F2: variants seen among roughly 807,000 people sequenced by gnomAD.
F2 encodes coagulation factor II, thrombin.
F2 carries 34 observed loss-of-function variants against 81.9 expected under a neutral mutation model. That is an observed-to-expected ratio of 0.42 (90% CI 0.32 to 0.55). The LOEUF (loss-of-function observed/expected upper bound fraction) is 0.55. F2 is among the 20% of genes least tolerant of loss of function. The probability of loss-of-function intolerance (pLI) is 0.18; values close to 1 mark genes in which losing one functional copy is unlikely to be tolerated. For missense variants in F2, 630 were observed against 833.4 expected (o/e 0.76, Z 3.00); for synonymous variants, 296 against 326.4 (o/e 0.91, Z 1.01).
intron 12 of F2, among the ~76,000 whole-genome samples, chr11:46,729,819 G>C (rs1287163793): frequency 6.6e-6 from 1 of 152,134 alleles, no homozygotes; most frequent in East Asian, 1.9e-4. Context: ...TGCGGGTAGG[G>C]AAATGCCATT....
In F2 at chr11:46,726,689, C is replaced by T. The variant is rs953121752; in HGVS notation, c.1004-22C>T. 3 of 1,613,694 alleles carry T rather than the reference C, an allele frequency of 1.9e-6. No individual in the cohort carries two copies. The African/African-American group carries it at 4.0e-5, about 22-fold the overall frequency. On this transcript the variant is annotated intron_variant, in intron 8 of 13. Coordinates refer to ENST00000311907, the MANE Select transcript of F2 (RefSeq NM_000506.5). The surrounding 1 kb of genome is among the most constrained non-coding windows in gnomAD (Gnocchi z 5.9). ...GGGCTGGTGGCCAGGACTTGCCCCTCACTGCTTGGCTTGCTCTGCAGACTG... is the reference window on the plus strand; with the variant it reads ...GGGCTGGTGGCCAGGACTTGCCCCTTACTGCTTGGCTTGCTCTGCAGACTG...
chr11:46,722,458 C>T (rs1001819450), intron 4 of F2, among the ~76,000 whole-genome samples: 2 of 152,100 alleles, frequency 1.3e-5, no homozygotes, highest in South Asian at 2.1e-4. Context: ...TGTGGTGGCA[C>T]GCGCCTGTAA....
At chr11:46,725,811 A>C in intron 6 of F2, 48 bp from the exon 7 acceptor site, 1 of 1,598,594 alleles carries the variant, frequency 6.3e-7, no homozygotes, top group Non-Finnish European at 8.6e-7. Context: ...GTTCCGGTCC[A>C]TGTGTGGTCT....
At chr11:46,722,578 A>C (rs1341412997) in intron 4 of F2, among the ~76,000 whole-genome samples, 1 of 152,184 alleles carries the variant, frequency 6.6e-6, no homozygotes, top group Non-Finnish European at 1.5e-5. Flanking sequence ...ACAGAACAAG[A>C]CTCATCTCAA....
chr11:46,722,524 G>T (rs561132128), intron 4 of F2, among the ~76,000 whole-genome samples: 34 of 152,336 alleles, frequency 2.2e-4, no homozygotes, highest in Middle Eastern at 3.4e-3. Flanking sequence ...GGAGGCAGAG[G>T]TTGCAGTGAG....
Position 46,726,825 on chromosome 11 carries a change from G to A in F2, c.1118G>A (p.Gly373Asp). 1 of 1,614,062 alleles carries A rather than the reference G, an allele frequency of 6.2e-7. No individual in the cohort carries two copies. Among genetic ancestry groups the A allele is most frequent in the Non-Finnish European group, 8.5e-7 (1 of 1,179,998 alleles). The change falls in exon 9 of 14, where the codon GGC becomes GAC. Residue 373 changes from glycine to aspartate, a missense_variant. Transcript: ENST00000311907. This position sits in a 1 kb window ranked among gnomAD's most constrained non-coding sequence, Gnocchi z 5.9. ...GTGGAGGGCTCGGATGCAGAGATCG[G>A]CATGTCACCTTGGTGTGTCCTGGAG... Reference protein sequence around the residue: ...RIVEGSDAEIGMSPWQVMLFR... With the variant: ...RIVEGSDAEIDMSPWQVMLFR...
In F2 at chr11:46,728,833, G is replaced by A. The variant is rs765165035; in HGVS notation, c.1468G>A (p.Ala490Thr). 17 of 1,613,562 alleles carry A rather than the reference G, an allele frequency of 1.1e-5. No individual in the cohort carries two copies. Among genetic ancestry groups the A allele is most frequent in the Admixed American group, 1.7e-5 (1 of 59,994 alleles). Reference sequence around the variant, plus strand: ...GTGTCTGCCCGACAGGGAGACGGCAGCCAGGTGGGCCACCAGATGCTTGTT... The same window carrying A: ...GTGTCTGCCCGACAGGGAGACGGCAACCAGGTGGGCCACCAGATGCTTGTT... ...PVCLPDRETA[A>T]SLLQAGYKGR... is the part of the protein sequence containing the mutation. The change falls in exon 11 of 14, where the codon GCC (alanine) becomes ACC (threonine). Residue 490 changes from alanine (A) to threonine (T), a missense_variant. Transcript: ENST00000311907. The surrounding 1 kb of genome is among the most constrained non-coding windows in gnomAD (Gnocchi z 5.1).
At position 46,723,442 on chromosome 11, in the gene F2, C is replaced by G; in HGVS notation, c.483C>G (p.Asp161Glu). The change falls in exon 6 of 14, where the codon GAC (aspartate) becomes GAG (glutamate). Residue 161 changes from aspartate to glutamate, a missense_variant. Physicochemically the swap from Asp to Glu is conservative, Grantham distance 45 (BLOSUM62 2). Coordinates refer to ENST00000311907, the MANE Select transcript of F2 (RefSeq NM_000506.5). This position sits in a 1 kb window ranked among gnomAD's most constrained non-coding sequence, Gnocchi z 5.6. ...AGGAGAATTTCTGCCGCAACCCCGACAGCAGCACCACGGGACCCTGGTGCT... is the reference window on the plus strand; with the variant it reads ...AGGAGAATTTCTGCCGCAACCCCGAGAGCAGCACCACGGGACCCTGGTGCT... ...DLQENFCRNPDSSTTGPWCYT... is the reference protein window; with the variant it reads ...DLQENFCRNPESSTTGPWCYT... 6.2e-7 allele frequency: 1 copy of G among 1,614,118 alleles called. No homozygotes were observed. The highest frequency in any genetic ancestry group is 8.5e-7 in the Non-Finnish European group (1 of 1,179,996).
Position 46,726,598 on chromosome 11 carries a change from T to C in F2, c.975T>C (p.Asn325=), listed in dbSNP as rs768652717. 1.9e-6 allele frequency: 3 copies of C among 1,614,110 alleles called. No individual in the cohort carries two copies. Among genetic ancestry groups the C allele is most frequent in the South Asian group, 2.2e-5 (2 of 91,078 alleles). ...TATSEYQTFF[N]PRTFGSGEAD... ...CCAGTGAGTACCAGACTTTCTTCAA[T>C]CCGAGGACCTTTGGCTCGGGAGAGG... The change falls in exon 8 of 14, where the codon AAT becomes AAC. Residue 325 remains asparagine (N), a synonymous_variant. Transcript: ENST00000311907. The surrounding 1 kb of genome is among the most constrained non-coding windows in gnomAD (Gnocchi z 5.9).
rs2064828598 is a variant in F2, at chr11:46,720,320, G to A, written c.241-203G>A. 7.9e-6 allele frequency: 5 copies of A among 636,630 alleles called. No homozygotes were observed. In the South Asian group the frequency reaches 8.9e-5, roughly 11 times the overall value. 39.4% of individuals were successfully genotyped at this position (636,630 alleles called of 1,614,324 possible). A position where few individuals can be genotyped will look rare whatever the true frequency, so the allele number is the denominator to read the frequency against. On this transcript the variant is annotated intron_variant, in intron 2 of 13. Transcript: ENST00000311907. ...TCTCCCCCAGCCTCTTTCAGTCTCG[G>A]TGTGTGTGTTGGAGGAACTCCCCTA...
At chr11:46,733,096 TA>T (rs1373193630) in intron 12 of F2, among the ~76,000 whole-genome samples, 3 of 152,196 alleles carry the variant, frequency 2.0e-5, no homozygotes, top group Non-Finnish European at 4.4e-5. Context: ...AATTCCATTC[TA>T]ACACCACAGG....
chr11:46,738,908 A>G lies in F2; in HGVS notation c.1655-140A>G, dbSNP rs2064960328. 1.6e-5 allele frequency: 13 copies of G among 832,638 alleles called. No individual in the cohort carries two copies. The South Asian group carries it at 1.8e-4, about 12-fold the overall frequency. 51.6% of individuals were successfully genotyped at this position (832,638 alleles called of 1,614,324 possible). A position where few individuals can be genotyped will look rare whatever the true frequency, so the allele number is the denominator to read the frequency against. ...GGTAGAGCCGACAAGATTTGCTAGGATTGGATGGGTAGGGTGAGGAAGTGG... is the reference window on the plus strand; with the variant it reads ...GGTAGAGCCGACAAGATTTGCTAGGGTTGGATGGGTAGGGTGAGGAAGTGG... On this transcript the variant is annotated intron_variant, in intron 12 of 13. Coordinates refer to ENST00000311907, the MANE Select transcript of F2 (RefSeq NM_000506.5).
At position 46,726,324 on chromosome 11, in the gene F2, T is replaced by C. The variant is rs890369932; in HGVS notation, c.874+151T>C. 2.1e-5 allele frequency: 30 copies of C among 1,441,874 alleles called. No individual in the cohort carries two copies. The highest frequency in any genetic ancestry group is 2.7e-5 in the Non-Finnish European group (29 of 1,059,310). The allele number at this position is 1,441,874 out of a possible 1,614,324, so 89.3% of individuals were successfully genotyped here. A position where few individuals can be genotyped will look rare whatever the true frequency, so the allele number is the denominator to read the frequency against. On this transcript the variant is annotated intron_variant, in intron 7 of 13. Transcript: ENST00000311907. The surrounding 1 kb of genome is among the most constrained non-coding windows in gnomAD (Gnocchi z 5.9). ...TGGGGGGTAAGGTCCTGTGCCCATT[T>C]CACAGATAAGTACACTGAGGCCCCA...
chr11:46,719,957 T>G lies in F2; in HGVS notation c.240+95T>G. ...AGCAAGCGAGGAACGCCACAGCCCC[T>G]TCGCTGCTCACAGCCTCATTTCAAC... On this transcript the variant is annotated intron_variant, in intron 2 of 13. Coordinates refer to ENST00000311907, the MANE Select transcript of F2 (RefSeq NM_000506.5). This position sits in a 1 kb window ranked among gnomAD's most constrained non-coding sequence, Gnocchi z 4.7. 6.8e-7 allele frequency: 1 copy of G among 1,470,256 alleles called. No homozygotes were observed. The highest frequency in any genetic ancestry group is 1.2e-5 in the South Asian group (1 of 82,274). The allele number at this position is 1,470,256 out of a possible 1,614,324, so 91.1% of individuals were successfully genotyped here.
chr11:46,734,315 T>C (rs918008489), intron 12 of F2, among the ~76,000 whole-genome samples: 1 of 152,160 alleles, frequency 6.6e-6, no homozygotes, highest in African/African-American at 2.4e-5. Context: ...GCCCATTTTT[T>C]GGTCCCTTTC....
rs779074991 is a variant in F2 at position 46,725,980 on chromosome 11, G to T, written c.681G>T (p.Val227=). Reference sequence around the variant, plus strand: ...AGCAGTACCAGGGGCGCCTGGCGGTGACCACACATGGGCTCCCCTGCCTGG... The same window carrying T: ...AGCAGTACCAGGGGCGCCTGGCGGTTACCACACATGGGCTCCCCTGCCTGG... ...RGQQYQGRLA[V]TTHGLPCLAW... The change falls in exon 7 of 14, where the codon GTG becomes GTT. Residue 227 remains valine (V), a synonymous_variant. Coordinates refer to ENST00000311907, the MANE Select transcript of F2 (RefSeq NM_000506.5). 5 of 1,613,898 alleles carry T rather than the reference G, an allele frequency of 3.1e-6. No homozygotes were observed. In the Admixed American group the frequency reaches 8.3e-5, roughly 27 times the overall value.
At position 46,739,470 on chromosome 11, in the gene F2, TAAA is replaced by T. The variant is rs1248811892; in HGVS notation, c.*64_*66del. On this transcript the variant is annotated 3_prime_UTR_variant, in exon 14 of 14. Coordinates refer to ENST00000311907, the MANE Select transcript of F2 (RefSeq NM_000506.5). ...CGTGAAAGAATTATTTTTGTGTTTC[TAAA>T]ACTATGGTTCCCAATAAAAGTGACT... 8 of 1,605,216 alleles carry T rather than the reference TAAA, an allele frequency of 5.0e-6. No homozygotes were observed. The highest frequency in any genetic ancestry group is 6.8e-6 in the Non-Finnish European group (8 of 1,174,930).
chr11:46,722,543 A>T (rs1443914088), intron 4 of F2, among the ~76,000 whole-genome samples: 1 of 152,228 alleles, frequency 6.6e-6, no homozygotes, highest in Non-Finnish European at 1.5e-5. Context: ...AGCTGAGATC[A>T]TGCCACTGCA....
intron 12 of F2, among the ~76,000 whole-genome samples, chr11:46,737,550 C>T (rs1173255707): frequency 1.3e-5 from 2 of 150,818 alleles, no homozygotes; most frequent in East Asian, 3.9e-4. Flanking sequence ...ACGCCATCCT[C>T]CTGCCTCAGC....
Sources: allele counts gnomAD v4.1 joint callset (sites outside exome capture counted in the v4.1 genomes callset), GRCh38; gene constraint gnomAD v4.1.1; non-coding constraint Gnocchi (gnomAD v3.1); transcripts MANE v1.5; gene names NCBI Gene and HGNC (gene_info 2026-07-23, HGNC 2026-07-21).